ZBTB20: variants seen among roughly 807,000 people sequenced by gnomAD.
The protein encoded by ZBTB20 is zinc finger and BTB domain-containing protein 20.
In ZBTB20, 9 loss-of-function variants were observed where a neutral mutation model predicts 56.9. The observed-to-expected ratio is 0.16, with a 90% CI of 0.10 to 0.28. ZBTB20 has a LOEUF of 0.28. ZBTB20 is among the 10% of genes least tolerant of loss of function. The pLI, the probability that ZBTB20 is intolerant of heterozygous loss-of-function variation, is 1.00. For missense variants in ZBTB20, 655 were observed against 1,003.0 expected, an observed-to-expected ratio of 0.65 and a Z score of 4.69; for synonymous variants, 417 against 420.7, an observed-to-expected ratio of 0.99 and a Z score of 0.11.
intron 6 of ZBTB20, among the ~76,000 whole-genome samples, chr3:114,501,996 C>T (rs1228190299): frequency 6.6e-6 from 1 of 152,082 alleles, no homozygotes; most frequent in Non-Finnish European, 1.5e-5. Flanking sequence ...GTGTGAGCCA[C>T]CGTGCCCAGA....
chr3:114,984,034 C>T (rs943218558), intron 2 of ZBTB20, among the ~76,000 whole-genome samples: 1 of 151,830 alleles, frequency 6.6e-6, no homozygotes, highest in East Asian at 1.9e-4. Flanking sequence ...TTCTTCTCCC[C>T]AAAGGTGTAT....
At chr3:114,807,033 T>A (rs929373484) in intron 4 of ZBTB20, among the ~76,000 whole-genome samples, 1 of 152,064 alleles carries the variant, frequency 6.6e-6, no homozygotes, top group Non-Finnish European at 1.5e-5. Context: ...CGTTATCTAA[T>A]TTTGTTTTCC....
At chr3:114,684,672 C>T (rs9871202) in intron 6 of ZBTB20, 146,251 of 152,234 alleles carry the variant, frequency 0.96, 70,533 homozygotes, top group East Asian at 1. Context: ...CTGGAGAAAA[C>T]TGGTTTGGGG....
intron 4 of ZBTB20, among the ~76,000 whole-genome samples, chr3:114,874,940 CA>C (rs2076137193): frequency 1.3e-5 from 2 of 152,302 alleles, no homozygotes; most frequent in South Asian, 2.1e-4. Context: ...AACTATGCTA[CA>C]GGGGGGAGGA....
chr3:114,933,388 T>C (rs1218320555), intron 3 of ZBTB20, among the ~76,000 whole-genome samples: 3 of 152,224 alleles, frequency 2.0e-5, no homozygotes. Flanking sequence ...AGTTATCCCA[T>C]GTGAAGGGTA....
chr3:114,812,769 C>G (rs2072636295), intron 4 of ZBTB20, among the ~76,000 whole-genome samples: 1 of 152,048 alleles, frequency 6.6e-6, no homozygotes, highest in African/African-American at 2.4e-5. Context: ...AGGGGAGGCT[C>G]GGGCCGCACA....
intron 2 of ZBTB20, among the ~76,000 whole-genome samples, chr3:115,025,692 T>C (rs1227071039): frequency 6.6e-6 from 1 of 150,628 alleles, no homozygotes; most frequent in African/African-American, 2.4e-5. Flanking sequence ...ATTCCTCCCC[T>C]GTAAAATGAA....
At chr3:115,145,936 A>AT (rs1311230970) in intron 1 of ZBTB20, among the ~76,000 whole-genome samples, 1 of 152,142 alleles carries the variant, frequency 6.6e-6, no homozygotes, top group Non-Finnish European at 1.5e-5. Context: ...GGCCTCTATA[A>AT]TTTTTTTAGC....
At position 114,617,780 on chromosome 3, in the gene ZBTB20, T is replaced by G. The variant is rs2058038349; in HGVS notation, c.-295+75748A>C. On this transcript the variant is annotated intron_variant, in intron 6 of 11. Coordinates refer to ENST00000675478, the MANE Select transcript of ZBTB20 (RefSeq NM_001348800.3). ...CATTCATGTCCAAGGCCTTTGCACT[T>G]GATGGTTCCACTGTTGAAAATGCTT... Among the ~76,000 whole-genome samples, 3 of 152,200 alleles carry G rather than the reference T, an allele frequency of 2.0e-5. No homozygotes were observed. The South Asian group carries it at 6.2e-4, about 32-fold the overall frequency.
chr3:114,811,637 T>C (rs2072520041), intron 4 of ZBTB20, among the ~76,000 whole-genome samples: 1 of 152,244 alleles, frequency 6.6e-6, no homozygotes, highest in Admixed American at 6.5e-5. Flanking sequence ...ACTTCACTTT[T>C]ACAACATGTT....
At chr3:115,103,231 T>C (rs892768446) in intron 1 of ZBTB20, among the ~76,000 whole-genome samples, 3 of 152,202 alleles carry the variant, frequency 2.0e-5, no homozygotes, top group African/African-American at 7.2e-5. Flanking sequence ...GCAATTTGGT[T>C]CTGTAGAAAG....
intron 2 of ZBTB20, among the ~76,000 whole-genome samples, chr3:115,011,246 T>C (rs2079693862): frequency 6.6e-6 from 1 of 151,918 alleles, no homozygotes; most frequent in Non-Finnish European, 1.5e-5. Context: ...TCCGAAGGAA[T>C]AATAACAGAG....
chr3:114,801,499 C>A (rs2071718953), intron 4 of ZBTB20, among the ~76,000 whole-genome samples: 2 of 150,924 alleles, frequency 1.3e-5, no homozygotes, highest in Non-Finnish European at 3.0e-5. Context: ...TAGCTATATT[C>A]TGATTAAAAA....
chr3:114,961,839 T>C (rs1198878734), intron 3 of ZBTB20, among the ~76,000 whole-genome samples: 3 of 152,136 alleles, frequency 2.0e-5, no homozygotes, highest in Non-Finnish European at 2.9e-5. Context: ...TGTATAAATA[T>C]GTCTGATTAA....
At chr3:114,740,395 G>C (rs112812451) in intron 5 of ZBTB20, among the ~76,000 whole-genome samples, 1 of 152,072 alleles carries the variant, frequency 6.6e-6, no homozygotes. Context: ...TGTTTCCTGT[G>C]GGTACGAAAA....
rs67371620 is a variant in ZBTB20, at chr3:114,753,413, GTATA to G, written c.-343+47684_-343+47687del. ...CATGTATGTATATATATACACACAC[GTATA>G]TATATATATATATATACACACACAC... On this transcript the variant is annotated intron_variant, in intron 5 of 11. Coordinates refer to ENST00000675478, the MANE Select transcript of ZBTB20 (RefSeq NM_001348800.3). Among the ~76,000 whole-genome samples, 85 of 47,510 alleles carry G rather than the reference GTATA, an allele frequency of 1.8e-3. 5 individuals carry two copies. Among genetic ancestry groups the G allele is most frequent in the South Asian group, 5.8e-3 (7 of 1,216 alleles). 31.2% of individuals were successfully genotyped at this position (47,510 alleles called of 152,430 possible). A position where few individuals can be genotyped will look rare whatever the true frequency, so the allele number is the denominator to read the frequency against.
intron 4 of ZBTB20, among the ~76,000 whole-genome samples, chr3:114,837,065 T>C (rs1201059770): frequency 1.3e-5 from 2 of 152,144 alleles, no homozygotes; most frequent in Admixed American, 1.3e-4. Flanking sequence ...TCTAGCTATA[T>C]TGCCTCTGCC....
chr3:114,340,509 T>C (rs1017963209), intron 11 of ZBTB20, among the ~76,000 whole-genome samples: 1 of 152,220 alleles, frequency 6.6e-6, no homozygotes, highest in African/African-American at 2.4e-5. Context: ...AGAAACCAAA[T>C]GATCAAGTTT....
intron 1 of ZBTB20, among the ~76,000 whole-genome samples, chr3:115,117,755 GCT>G (rs1371057933): frequency 6.6e-6 from 1 of 151,366 alleles, no homozygotes; most frequent in Non-Finnish European, 1.5e-5. Flanking sequence ...AATTCATAGT[GCT>G]CTTATTTTTT....
Sources: allele counts gnomAD v4.1 joint callset (sites outside exome capture counted in the v4.1 genomes callset), GRCh38; gene constraint gnomAD v4.1.1; transcripts MANE v1.5; gene names NCBI Gene and HGNC (gene_info 2026-07-23, HGNC 2026-07-21).